LRRC41: variants seen among roughly 807,000 people sequenced by gnomAD.
The protein encoded by LRRC41 is leucine-rich repeat-containing protein 41.
LRRC41 carries 17 observed loss-of-function variants against 72.1 expected under a neutral mutation model. The ratio of observed to expected loss-of-function variants is 0.24; its 90% CI spans 0.16 to 0.35. The LOEUF (loss-of-function observed/expected upper bound fraction) is 0.35. Among genes scored for constraint, LRRC41 ranks in the 10% least tolerant of loss-of-function variants. The probability of loss-of-function intolerance (pLI) is 1.00; values close to 1 mark genes in which losing one functional copy is unlikely to be tolerated. For synonymous variants in LRRC41, 427 were observed against 431.0 expected (o/e 0.99, Z 0.11); for missense variants, 759 against 1,065.0 (o/e 0.71, Z 4.00).
intron 3 of LRRC41, among the ~76,000 whole-genome samples, chr1:46,292,299 T>C (rs966608139): frequency 6.6e-6 from 1 of 151,898 alleles, no homozygotes; most frequent in African/African-American, 2.4e-5. Context: ...GGTTTCCCTG[T>C]GTTGCCCAGA....
intron 4 of LRRC41, among the ~76,000 whole-genome samples, chr1:46,284,693 CTG>C (rs1009445676): frequency 5.9e-5 from 9 of 152,012 alleles, no homozygotes; most frequent in Admixed American, 3.9e-4. Context: ...TCTATTTTCT[CTG>C]TGAAGTAGGT....
At chr1:46,283,124 G>C (rs150803956) in intron 4 of LRRC41, among the ~76,000 whole-genome samples, 10 of 151,930 alleles carry the variant, frequency 6.6e-5, no homozygotes, top group African/African-American at 2.2e-4. Context: ...TTGCATAAAT[G>C]AATGACAGGG....
rs774695182 is a variant in LRRC41, at chr1:46,278,085, C to T, written c.*780G>A. The T allele has an allele frequency of 2.2e-5, 36 of 1,613,968 alleles. No homozygotes were observed. Among genetic ancestry groups the T allele is most frequent in the East Asian group, 1.3e-4 (6 of 44,902 alleles). ...TTCTGTCCCTAGGTTGCACTGCCGA[C>T]GTTGTGTCAACAGCCGTCAGATCCG... On this transcript the variant is annotated 3_prime_UTR_variant, in exon 10 of 10. Transcript: ENST00000617190.
At chr1:46,283,417 G>A (rs931680837) in intron 4 of LRRC41, among the ~76,000 whole-genome samples, 9 of 152,128 alleles carry the variant, frequency 5.9e-5, no homozygotes, top group African/African-American at 9.7e-5. Flanking sequence ...CCAAGAGTTC[G>A]AGACCAGCCC....
chr1:46,283,874 C>T (rs553151079), intron 4 of LRRC41, among the ~76,000 whole-genome samples: 4 of 152,104 alleles, frequency 2.6e-5, no homozygotes, highest in Admixed American at 6.5e-5. Context: ...CCATCTTGGC[C>T]AGGCTGGTCT....
intron 2 of LRRC41, 27 bp from the exon 3 acceptor site, chr1:46,297,660 T>G: frequency 6.4e-7 from 1 of 1,560,458 alleles, no homozygotes. Context: ...CACACTTGGC[T>G]GCTTACTGGC....
At chr1:46,301,212 T>G (rs1370878005) in intron 1 of LRRC41, among the ~76,000 whole-genome samples, 1 of 152,150 alleles carries the variant, frequency 6.6e-6, no homozygotes, top group Non-Finnish European at 1.5e-5. Context: ...TTCTCCATTC[T>G]TCTTAAGCCG....
intron 4 of LRRC41, among the ~76,000 whole-genome samples, chr1:46,283,056 ATAACCAGGAG>A (rs1660812723): frequency 1.3e-5 from 2 of 151,998 alleles, no homozygotes; most frequent in African/African-American, 4.8e-5. Flanking sequence ...AACTATAGAG[ATAACCAGGAG>A]TAAGAATATG....
intron 3 of LRRC41, among the ~76,000 whole-genome samples, chr1:46,294,803 C>T (rs1040628989): frequency 6.6e-6 from 1 of 151,942 alleles, no homozygotes; most frequent in South Asian, 2.1e-4. Flanking sequence ...CCATGTTGGC[C>T]AGGCTGGTCT....
intron 4 of LRRC41, among the ~76,000 whole-genome samples, chr1:46,282,820 G>A (rs1184197860): frequency 6.6e-6 from 1 of 152,060 alleles, no homozygotes; most frequent in Non-Finnish European, 1.5e-5. Flanking sequence ...ATCACCTGAG[G>A]TCGGGAGCCC....
At chr1:46,282,672 C>A (rs1479402721) in intron 4 of LRRC41, among the ~76,000 whole-genome samples, 1 of 151,840 alleles carries the variant, frequency 6.6e-6, no homozygotes, top group Non-Finnish European at 1.5e-5. Context: ...TATGTAGAGG[C>A]CTGAAGGAGA....
At position 46,303,286 on chromosome 1, in the gene LRRC41, A is replaced by T. The variant is rs1661286895; in HGVS notation, c.37T>A (p.Trp13Arg). 1 of 1,541,612 alleles carries T rather than the reference A, an allele frequency of 6.5e-7. No individual in the cohort carries two copies. Among genetic ancestry groups the T allele is most frequent in the Non-Finnish European group, 8.7e-7 (1 of 1,144,500 alleles). ...APEAWRARSC[W>R]FCEVAAATTM... Reference sequence around the variant, plus strand: ...GTTGCCGCCGCTACCTCACAGAACCAGCAACTCCGGGCGCGCCAGGCCTCG... The same window carrying T: ...GTTGCCGCCGCTACCTCACAGAACCTGCAACTCCGGGCGCGCCAGGCCTCG... Residue 13 changes from tryptophan (W) to arginine (R), a missense_variant, in exon 1 of 10, where the codon TGG (tryptophan) becomes AGG (arginine). Around this residue, in one of 4 missense-constraint regions of LRRC41, gnomAD observed 106 missense variants for 66.1 expected, o/e 1.60. Coordinates refer to ENST00000617190, the MANE Select transcript of LRRC41 (RefSeq NM_006369.5).
chr1:46,279,433 G>T lies in LRRC41; in HGVS notation c.2143+59C>A. The T allele has an allele frequency of 6.2e-7, 1 of 1,613,450 alleles. No individual in the cohort carries two copies. Among genetic ancestry groups the T allele is most frequent in the Non-Finnish European group, 8.5e-7 (1 of 1,179,468 alleles). ...AGAGGTCTTTGCCTTTATCCAGTGA[G>T]TTTTTAGGTCAAAGGCCTAGCTCCT... On this transcript the variant is annotated intron_variant, in intron 8 of 9. Transcript: ENST00000617190. This position sits in a 1 kb window ranked among gnomAD's most constrained non-coding sequence, Gnocchi z 4.5.
At chr1:46,282,142 T>C (rs1027804734) in intron 4 of LRRC41, among the ~76,000 whole-genome samples, 1 of 151,220 alleles carries the variant, frequency 6.6e-6, no homozygotes, top group Non-Finnish European at 1.5e-5. Flanking sequence ...CTTGTTTGGC[T>C]ACATGAGGCT....
At chr1:46,298,094 G>T (rs1352553596) in intron 2 of LRRC41, among the ~76,000 whole-genome samples, 190 bp downstream of exon 2, 1 of 152,138 alleles carries the variant, frequency 6.6e-6, no homozygotes, top group Non-Finnish European at 1.5e-5. Context: ...ACTTTTATCA[G>T]TATAATAAAG....
Position 46,285,046 on chromosome 1 carries a change from AGCAT to A in LRRC41, c.1495+312_1495+315del, listed in dbSNP as rs1660856390. On this transcript the variant is annotated intron_variant, in intron 4 of 9. Transcript: ENST00000617190. The surrounding 1 kb of genome is among the most constrained non-coding windows in gnomAD (Gnocchi z 5.3). ...TGAGGTCAAACTCTAGCCCTGCCTG[AGCAT>A]GCATATACTATACTGCTCCCACCTG... The A allele has an allele frequency of 9.0e-6, 3 of 334,404 alleles. No homozygotes were observed. In the South Asian group the frequency reaches 1.2e-4, roughly 14 times the overall value. The allele number at this position is 334,404 out of a possible 1,614,324, so 20.7% of individuals were successfully genotyped here.
intron 3 of LRRC41, among the ~76,000 whole-genome samples, chr1:46,291,975 C>T (rs570656148): frequency 6.6e-6 from 1 of 152,122 alleles, no homozygotes; most frequent in South Asian, 2.1e-4. Flanking sequence ...CCTTAGCTTA[C>T]CAATTAGCTG....
Position 46,279,428 on chromosome 1 carries a change from A to C in LRRC41, c.2143+64T>G. 1.2e-6 allele frequency: 2 copies of C among 1,612,118 alleles called. No homozygotes were observed. The highest frequency in any genetic ancestry group is 1.7e-6 in the Non-Finnish European group (2 of 1,178,296). ...AGTGGAGAGGTCTTTGCCTTTATCC[A>C]GTGAGTTTTTAGGTCAAAGGCCTAG... On this transcript the variant is annotated intron_variant, in intron 8 of 9. Transcript: ENST00000617190. The surrounding 1 kb of genome is among the most constrained non-coding windows in gnomAD (Gnocchi z 4.5).
chr1:46,303,314 C>A lies in LRRC41; in HGVS notation c.9G>T (p.Ala3=). The A allele has an allele frequency of 6.6e-7, 1 of 1,526,048 alleles. No homozygotes were observed. The highest frequency in any genetic ancestry group is 8.8e-7 in the Non-Finnish European group (1 of 1,138,704). 94.5% of individuals were successfully genotyped at this position (1,526,048 alleles called of 1,614,324 possible). MA[A]PEAWRARSCW... is the part of the protein sequence containing the mutation. ...AACTCCGGGCGCGCCAGGCCTCGGG[C>A]GCCGCCATCTTGGGGAGGTGCGCGA... Residue 3 remains alanine, a synonymous_variant, in exon 1 of 10, where the codon GCG becomes GCT. Transcript: ENST00000617190.
Sources: allele counts gnomAD v4.1 joint callset (sites outside exome capture counted in the v4.1 genomes callset), GRCh38; gene constraint gnomAD v4.1.1; regional missense constraint gnomAD v4.1.1; non-coding constraint Gnocchi (gnomAD v3.1); transcripts MANE v1.5; gene names NCBI Gene and HGNC (gene_info 2026-07-23, HGNC 2026-07-21).